The following TBC1D8B variants were observed in gnomAD, a reference collection of about 807,000 sequenced individuals.
TBC1D8B encodes TBC1 domain family member 8B.
Under a neutral mutation model 82.9 loss-of-function variants are expected in TBC1D8B, and 75 were observed. The observed-to-expected ratio is 0.90, with a 90% CI of 0.75 to 1.10. The LOEUF (loss-of-function observed/expected upper bound fraction) is 1.10, where lower values mean the gene tolerates loss of function less well. TBC1D8B is among the 50% of genes least tolerant of loss of function. TBC1D8B has a pLI of 0.00. For synonymous variants in TBC1D8B, 276 were observed against 276.8 expected, an observed-to-expected ratio of 1.00 and a Z score of 0.03; for missense variants, 794 against 796.9, an observed-to-expected ratio of 1.00 and a Z score of 0.04.
intron 14 of TBC1D8B, among the ~76,000 whole-genome samples, chrX:106,864,512 CTT>C (rs771983121): frequency 1.2e-4 from 10 of 82,466 alleles, no homozygotes; most frequent in African/African-American, 4.4e-4. Context: ...TGCTGGGCAC[CTT>C]TTTTTTTTTT....
At position 106,854,264 on chromosome X, in the gene TBC1D8B, C is replaced by T; in HGVS notation, c.2320C>T (p.Gln774Ter). The T allele has an allele frequency of 8.4e-7, 1 of 1,190,652 alleles. No individual in the cohort carries two copies. The highest frequency in any genetic ancestry group is 3.1e-5 in the East Asian group (1 of 32,719). The change falls in exon 14 of 21, where the codon CAG becomes TAG. Residue 774 changes from glutamine (Q) to a stop codon, truncating the protein, a stop_gained. Coordinates refer to ENST00000357242, the MANE Select transcript of TBC1D8B (RefSeq NM_017752.3). LOFTEE classifies it high-confidence loss of function. ...CTGTCGAAATAGGTTGTATGTGATACAGACCCTAGAGGAAACAACAAAACA... is the reference window on the plus strand; with the variant it reads ...CTGTCGAAATAGGTTGTATGTGATATAGACCCTAGAGGAAACAACAAAACA... ...MRCRNRLYVI[Q>*]TLEETTKQNV...
chrX:106,815,999 A>G (rs945995218), intron 1 of TBC1D8B, among the ~76,000 whole-genome samples: 2 of 111,595 alleles, frequency 1.8e-5, no homozygotes, highest in Non-Finnish European at 1.9e-5. Context: ...GAAAACTGGC[A>G]CAAGACAGGG....
In TBC1D8B at chrX:106,849,338, G is replaced by A. The variant is rs746651671; in HGVS notation, c.1838-687G>A. 27 of 1,101,023 alleles carry A rather than the reference G, an allele frequency of 2.5e-5. No individual in the cohort carries two copies. The African/African-American group carries it at 5.2e-4, about 21-fold the overall frequency. The allele number at this position is 1,101,023 out of a possible 1,213,427, so 90.7% of individuals were successfully genotyped here. ...GAAAATCTGGGGTAGCACCTGGCATGCTCTTTCTCCAATTTTCTACTACTT... is the reference window on the plus strand; with the variant it reads ...GAAAATCTGGGGTAGCACCTGGCATACTCTTTCTCCAATTTTCTACTACTT... On this transcript the variant is annotated intron_variant, in intron 11 of 20. Transcript: ENST00000357242.
At chrX:106,846,397 C>T (rs1441181839) in intron 10 of TBC1D8B, among the ~76,000 whole-genome samples, 5 of 103,448 alleles carry the variant, frequency 4.8e-5, no homozygotes, top group Non-Finnish European at 7.9e-5. Context: ...CATGAGCCAC[C>T]GCACCCGGCC....
intron 1 of TBC1D8B, among the ~76,000 whole-genome samples, chrX:106,809,802 G>GGCGT (rs1931308110): frequency 1.9e-5 from 2 of 106,708 alleles, no homozygotes; most frequent in African/African-American, 6.9e-5. Flanking sequence ...GAGAATCACT[G>GGCGT]GAACCCACGA....
intron 3 of TBC1D8B, 117 bp from the exon 4 acceptor site, chrX:106,821,860 G>A: frequency 1.7e-6 from 1 of 576,847 alleles, no homozygotes; most frequent in East Asian, 3.7e-5. Flanking sequence ...CATGGATGAG[G>A]AACCCATGGA....
In TBC1D8B at chrX:106,875,756, G is replaced by A. The variant is rs1286392515; in HGVS notation, c.*1791G>A. The A allele has an allele frequency of 8.9e-6, 1 of 111,842 alleles. No homozygotes were observed. Among genetic ancestry groups the A allele is most frequent in the African/African-American group, 3.2e-5 (1 of 30,794 alleles). The allele number at this position is 111,842 out of a possible 1,213,427, so 9.2% of individuals were successfully genotyped here. ...CACTTTGCTGAATATTTTGTCAGTTGTATTTACAAAGAAAGGTACTTTCTT... is the reference window on the plus strand; with the variant it reads ...CACTTTGCTGAATATTTTGTCAGTTATATTTACAAAGAAAGGTACTTTCTT... On this transcript the variant is annotated 3_prime_UTR_variant, in exon 21 of 21. Coordinates refer to ENST00000357242, the MANE Select transcript of TBC1D8B (RefSeq NM_017752.3).
intron 19 of TBC1D8B, among the ~76,000 whole-genome samples, chrX:106,870,310 C>T (rs745545527): frequency 4.4e-5 from 5 of 112,366 alleles, no homozygotes; most frequent in African/African-American, 1.6e-4. Context: ...GGATTACAGG[C>T]GTGAGCCACC....
chrX:106,828,752 T>C (rs1157146556), intron 7 of TBC1D8B: 2 of 109,775 alleles, frequency 1.8e-5, no homozygotes, highest in Non-Finnish European at 3.8e-5. Flanking sequence ...CCCTTCATGC[T>C]AAAAACTCTC....
rs186111079 is a variant in TBC1D8B at position 106,869,466 on chromosome X, A to T, written c.2813-19A>T. 1.9e-3 allele frequency: 2,282 copies of T among 1,198,006 alleles called. 5 individuals carry two copies. Among genetic ancestry groups the T allele is most frequent in the Non-Finnish European group, 2.2e-3 (1,984 of 885,954 alleles). On this transcript the variant is annotated intron_variant, in intron 18 of 20. Coordinates refer to ENST00000357242, the MANE Select transcript of TBC1D8B (RefSeq NM_017752.3). ...TTTGTTAAACATCTTACAGAATGCA[A>T]TTACATCTTTTCTTATAGTTTCCAA...
intron 14 of TBC1D8B, among the ~76,000 whole-genome samples, 180 bp from the exon 15 acceptor site, chrX:106,865,379 A>G (rs775798961): frequency 4.4e-5 from 5 of 112,523 alleles, no homozygotes; most frequent in African/African-American, 1.6e-4. Context: ...ACTTTTTAAA[A>G]GGAAAAATAG....
intron 1 of TBC1D8B, among the ~76,000 whole-genome samples, chrX:106,804,632 GTGGTTTATGCCTGTAATTCCAGCACTT>G (rs1356636240): frequency 8.9e-6 from 1 of 111,736 alleles, no homozygotes; most frequent in Non-Finnish European, 1.9e-5. Context: ...GCCGGGCACG[GTGGTTTATGCCTGTAATTCCAGCACTT>G]TGGGAGACCG....
At chrX:106,808,611 G>T (rs958282998) in intron 1 of TBC1D8B, among the ~76,000 whole-genome samples, 3 of 112,138 alleles carry the variant, frequency 2.7e-5, no homozygotes, top group African/African-American at 9.7e-5. Flanking sequence ...TAATGTACAA[G>T]AATTAGAATA....
At position 106,874,282 on chromosome X, in the gene TBC1D8B, C is replaced by T. The variant is rs1330039467; in HGVS notation, c.*317C>T. The T allele has an allele frequency of 6.9e-6, 1 of 145,340 alleles. No individual in the cohort carries two copies. The highest frequency in any genetic ancestry group is 1.7e-4 in the East Asian group (1 of 6,009). The allele number at this position is 145,340 out of a possible 1,213,427, so 12.0% of individuals were successfully genotyped here. A position where few individuals can be genotyped will look rare whatever the true frequency, so the allele number is the denominator to read the frequency against. On this transcript the variant is annotated 3_prime_UTR_variant, in exon 21 of 21. Transcript: ENST00000357242. ...ATCAGGGGAATATGCTAAATGTTAC[C>T]ACCAGAGGGCACAAGCATATCACTT...
chrX:106,819,843 T>A (rs1931649092), intron 2 of TBC1D8B, among the ~76,000 whole-genome samples: 1 of 111,002 alleles, frequency 9.0e-6, no homozygotes, highest in Admixed American at 9.7e-5. Context: ...ATTGTATAAC[T>A]TATTTCCCCC....
chrX:106,825,922 A>T, intron 5 of TBC1D8B, 108 bp from the exon 6 acceptor site: 1 of 569,113 alleles, frequency 1.8e-6, no homozygotes, highest in Non-Finnish European at 2.6e-6. Context: ...TTTAGTGTTT[A>T]ATCTGTGTGC....
intron 11 of TBC1D8B, among the ~76,000 whole-genome samples, chrX:106,848,768 TTTTTATTTTA>T (rs1338155192): frequency 1.8e-5 from 2 of 110,121 alleles, no homozygotes; most frequent in Admixed American, 9.7e-5. Context: ...AATTGTATAA[TTTTTATTTTA>T]TTTTATTTTA....
chrX:106,813,186 G>T (rs1177049065), intron 1 of TBC1D8B, among the ~76,000 whole-genome samples: 1 of 112,011 alleles, frequency 8.9e-6, no homozygotes, highest in Non-Finnish European at 1.9e-5. Flanking sequence ...TAAACTAAAA[G>T]ATACTGGATA....
chrX:106,815,380 G>A (rs1041941512), intron 1 of TBC1D8B: 1 of 110,238 alleles, frequency 9.1e-6, no homozygotes, highest in African/African-American at 3.3e-5. Flanking sequence ...TATTTCTGAG[G>A]GCTCTGTTCT....
Sources: allele counts gnomAD v4.1 joint callset (sites outside exome capture counted in the v4.1 genomes callset), GRCh38; gene constraint gnomAD v4.1.1; transcripts MANE v1.5; gene names NCBI Gene and HGNC (gene_info 2026-07-23, HGNC 2026-07-21).